The following ANXA11 variants were observed in gnomAD, a reference collection of about 807,000 sequenced individuals.
ANXA11 encodes annexin A11.
ANXA11 carries 57 observed loss-of-function variants against 64.7 expected under a neutral mutation model. That is an observed-to-expected ratio of 0.88 (90% CI 0.71 to 1.10). The LOEUF is 1.10. ANXA11 is among the 50% of genes least tolerant of loss of function. ANXA11 has a pLI of 0.00. For synonymous variants in ANXA11, 260 were observed against 265.2 expected (o/e 0.98, Z 0.19); for missense variants, 675 against 670.7 (o/e 1.01, Z -0.07).
chr10:80,165,695 G>C (rs148581673), intron 8 of ANXA11, among the ~76,000 whole-genome samples: 47 of 152,270 alleles, frequency 3.1e-4, no homozygotes, highest in African/African-American at 1.1e-3. Context: ...AAACCGAAGT[G>C]TGTTTCTGTC....
intron 1 of ANXA11, among the ~76,000 whole-genome samples, chr10:80,178,354 C>T (rs1589437035): frequency 6.6e-6 from 1 of 152,202 alleles, no homozygotes; most frequent in African/African-American, 2.4e-5. Context: ...GCATGTCCCC[C>T]GCTCTACGCC....
Position 80,159,088 on chromosome 10 carries a change from T to A in ANXA11, c.1276+12A>T. ...GCCCCTGGCAGGTGGGCGGCAAACC[T>A]GAGACACTTACCCACGGCCAGCATG... On this transcript the variant is annotated intron_variant, in intron 13 of 15. Coordinates refer to ENST00000422982, the MANE Select transcript of ANXA11 (RefSeq NM_145868.2). 2 of 1,610,422 alleles carry A rather than the reference T, an allele frequency of 1.2e-6. No individual in the cohort carries two copies. The highest frequency in any genetic ancestry group is 1.7e-6 in the Non-Finnish European group (2 of 1,176,902).
At chr10:80,166,522 G>A (rs935237665) in intron 7 of ANXA11, 16 of 432,642 alleles carry the variant, frequency 3.7e-5, no homozygotes, top group Admixed American at 8.1e-5. Flanking sequence ...GCTCATACAC[G>A]CCCCTCGTAC....
rs1023458970 is a variant in ANXA11, at chr10:80,164,099, G to A, written c.903C>T (p.Ser301=). ...ATTCTCGGATGTGCTCATTGCTGCGGGAAGCGAGGATCTCAATCAGGCAGG... is the reference window on the plus strand; with the variant it reads ...ATTCTCGGATGTGCTCATTGCTGCGAGAAGCGAGGATCTCAATCAGGCAGG... ...DEACLIEILA[S]RSNEHIRELN... The change falls in exon 9 of 16, where the codon TCC becomes TCT. Residue 301 remains serine, a synonymous_variant. Transcript: ENST00000422982. The A allele has an allele frequency of 6.2e-7, 1 of 1,614,182 alleles. No homozygotes were observed. The highest frequency in any genetic ancestry group is 1.7e-5 in the Admixed American group (1 of 60,024).
rs188652667 is a variant in ANXA11 at position 80,176,358 on chromosome 10, A to G, written c.-57-203T>C. ...AATCAAGGTGCAGTACTGTGTATGT[A>G]CTAAGCTAATAAAAAACCCAGAAAC... On this transcript the variant is annotated intron_variant, in intron 1 of 15. Transcript: ENST00000422982. 5.9e-5 allele frequency among the ~76,000 whole-genome samples: 9 copies of G among 152,292 alleles called. No individual in the cohort carries two copies. The East Asian group carries it at 1.7e-3, about 29-fold the overall frequency.
chr10:80,191,317 G>A (rs1846765572), intron 1 of ANXA11, among the ~76,000 whole-genome samples: 1 of 152,208 alleles, frequency 6.6e-6, no homozygotes, highest in Non-Finnish European at 1.5e-5. Flanking sequence ...AAACCCAGGA[G>A]CTACAGGTTG....
rs144975299 is a variant in ANXA11 at position 80,169,010 on chromosome 10, G to A, written c.520C>T (p.Pro174Ser). ...QQPVPSYPGYPGSGTVTPAVP... is the reference protein window; with the variant it reads ...QQPVPSYPGYSGSGTVTPAVP... ...GCGGGGGTGACAGTCCCAGACCCCGGGTATCCTGGGTAGCTCGGCACTGGC... is the reference window on the plus strand; with the variant it reads ...GCGGGGGTGACAGTCCCAGACCCCGAGTATCCTGGGTAGCTCGGCACTGGC... Residue 174 changes from proline to serine, a missense_variant, in exon 5 of 16, where the codon CCG becomes TCG. Transcript: ENST00000422982. 2,368 of 1,544,506 alleles carry A rather than the reference G, an allele frequency of 1.5e-3. 1 individual carries two copies. The highest frequency in any genetic ancestry group is 1.9e-3 in the Non-Finnish European group (2,136 of 1,151,112).
chr10:80,185,320 C>T (rs1846500369), intron 1 of ANXA11, among the ~76,000 whole-genome samples: 1 of 152,218 alleles, frequency 6.6e-6, no homozygotes, highest in South Asian at 2.1e-4. Flanking sequence ...TCAGTGCTGC[C>T]CGGAATGTGT....
At chr10:80,171,465 A>C (rs2132422317) in intron 3 of ANXA11, 1 of 380,440 alleles carries the variant, frequency 2.6e-6, no homozygotes, top group East Asian at 1.6e-4. Context: ...AGGAAGAAAC[A>C]GAGGTGAAAA....
chr10:80,169,338 T>C lies in ANXA11; in HGVS notation c.192A>G (p.Thr64=), dbSNP rs1845883772. The change falls in exon 5 of 16, where the codon ACA becomes ACG. Residue 64 remains threonine (T), a synonymous_variant. Transcript: ENST00000422982. ...GGTTGGGCATGTTGGCTCCTCCAAA[T>C]GTCCCAGACATGTTGGCCGCCTGCA... ...LSGMAANMSG[T]FGGANMPNLY... is the part of the protein sequence containing the mutation. 2 of 1,608,026 alleles carry C rather than the reference T, an allele frequency of 1.2e-6. No individual in the cohort carries two copies. Among genetic ancestry groups the C allele is most frequent in the African/African-American group, 1.3e-5 (1 of 74,898 alleles).
chr10:80,168,017 G>A (rs148631966), intron 5 of ANXA11, among the ~76,000 whole-genome samples: 54 of 152,268 alleles, frequency 3.5e-4, no homozygotes, highest in Non-Finnish European at 6.2e-4. Context: ...CAGGGTGGGG[G>A]AACGTGTGGG....
chr10:80,201,480 A>C (rs1840419337), intron 1 of ANXA11, among the ~76,000 whole-genome samples: 1 of 152,144 alleles, frequency 6.6e-6, no homozygotes, highest in Non-Finnish European at 1.5e-5. Context: ...TTGGTATCTC[A>C]AAGACACCTC....
intron 1 of ANXA11, among the ~76,000 whole-genome samples, chr10:80,190,008 C>A (rs929834453): frequency 6.6e-6 from 1 of 152,208 alleles, no homozygotes; most frequent in Non-Finnish European, 1.5e-5. Flanking sequence ...TGAAACAAGC[C>A]AGGCACAAAA....
chr10:80,172,768 G>A (rs1846028643), intron 3 of ANXA11, 39 bp downstream of exon 3: 9 of 1,597,908 alleles, frequency 5.6e-6, no homozygotes, highest in South Asian at 2.2e-5. Context: ...ACTGTACAGA[G>A]GCAGCATTCA....
rs1845601172 is a variant in ANXA11, at chr10:80,163,524, G to A, written c.1029+10C>T. ...CTTGGGGGCCCCGAGCCCTGTCGTGGGAAAAGTACCTGAGAGAGAGAGATG... is the reference window on the plus strand; with the variant it reads ...CTTGGGGGCCCCGAGCCCTGTCGTGAGAAAAGTACCTGAGAGAGAGAGATG... On this transcript the variant is annotated intron_variant, in intron 10 of 15. Coordinates refer to ENST00000422982, the MANE Select transcript of ANXA11 (RefSeq NM_145868.2). 1.3e-6 allele frequency: 2 copies of A among 1,588,786 alleles called. No homozygotes were observed. The highest frequency in any genetic ancestry group is 1.3e-5 in the African/African-American group (1 of 74,314).
chr10:80,195,304 C>T (rs978973389), intron 1 of ANXA11, among the ~76,000 whole-genome samples: 1 of 152,190 alleles, frequency 6.6e-6, no homozygotes. Flanking sequence ...GTGACAATGT[C>T]CCCAGTCAGC....
intron 12 of ANXA11, 102 bp downstream of exon 12, chr10:80,161,833 C>T: frequency 1.9e-6 from 2 of 1,030,410 alleles, no homozygotes; most frequent in Non-Finnish European, 2.9e-6. Context: ...GCGAAAGCCC[C>T]ACGCAGGGAG....
chr10:80,166,048 A>G (rs369164477), intron 8 of ANXA11, 36 bp downstream of exon 8: 10 of 375,106 alleles, frequency 2.7e-5, no homozygotes, highest in East Asian at 1.9e-4. Flanking sequence ...GCGCGCACAC[A>G]CACACACACA....
chr10:80,171,839 G>T (rs768107937), intron 3 of ANXA11: 22 of 985,392 alleles, frequency 2.2e-5, no homozygotes, highest in African/African-American at 5.2e-5. Flanking sequence ...TGGATGGCAG[G>T]ATTTCTACTA....
Sources: allele counts gnomAD v4.1 joint callset (sites outside exome capture counted in the v4.1 genomes callset), GRCh38; gene constraint gnomAD v4.1.1; transcripts MANE v1.5; gene names NCBI Gene and HGNC (gene_info 2026-07-23, HGNC 2026-07-21).